The following NFATC1 variants were observed in gnomAD, a reference collection of about 807,000 sequenced individuals.
NFATC1 encodes the protein nuclear factor of activated T-cells, cytoplasmic 1.
In NFATC1, 22 loss-of-function variants were observed where a neutral mutation model predicts 76.0. The ratio of observed to expected loss-of-function variants is 0.29; its 90% CI spans 0.21 to 0.41. NFATC1 has a LOEUF of 0.41. NFATC1 is among the 10% of genes least tolerant of loss of function. The probability of loss-of-function intolerance (pLI) is 1.00; values close to 1 mark genes in which losing one functional copy is unlikely to be tolerated. For synonymous variants in NFATC1, 704 were observed against 613.1 expected, an observed-to-expected ratio of 1.15 and a Z score of -2.19; for missense variants, 1,357 against 1,337.7, an observed-to-expected ratio of 1.01 and a Z score of -0.23.
intron 9 of NFATC1, chr18:79,515,700 T>A (rs2090365013): frequency 6.6e-6 from 1 of 151,988 alleles, no homozygotes; most frequent in African/African-American, 2.4e-5. Flanking sequence ...AGAGGAAGAA[T>A]CGTGTTTCTG....
intron 1 of NFATC1, among the ~76,000 whole-genome samples, chr18:79,401,730 C>T (rs751994003): frequency 1.3e-5 from 2 of 152,170 alleles, no homozygotes; most frequent in Non-Finnish European, 2.9e-5. Flanking sequence ...AGGGTGGCCC[C>T]TCTGGGATCT....
chr18:79,466,842 C>G (rs528316940), intron 7 of NFATC1, among the ~76,000 whole-genome samples: 1 of 152,358 alleles, frequency 6.6e-6, no homozygotes, highest in East Asian at 1.9e-4. Flanking sequence ...CTGGGTTTCG[C>G]TGCAGTCACC....
At position 79,479,745 on chromosome 18, in the gene NFATC1, C is replaced by T. The variant is rs567947776; in HGVS notation, c.2093-6503C>T. Among the ~76,000 whole-genome samples the T allele has an allele frequency of 5.3e-4, 81 of 152,300 alleles. 1 individual carries two copies. In the South Asian group the frequency reaches 0.016, roughly 30 times the overall value. The stretch of plus-strand genomic sequence containing the variant: ...ATTCTGAAACGTCCCCTGTGGGTGC[C>T]GGGTGCCTCGCGCATCCCTGCCGTC... On this transcript the variant is annotated intron_variant, in intron 8 of 9. Coordinates refer to ENST00000427363, the MANE Select transcript of NFATC1 (RefSeq NM_001278669.2).
intron 3 of NFATC1, among the ~76,000 whole-genome samples, chr18:79,435,256 G>T (rs927064762): frequency 2.6e-5 from 4 of 152,180 alleles, no homozygotes; most frequent in Non-Finnish European, 5.9e-5. Context: ...TGAGGGGCGG[G>T]TGTAGGAATC....
intron 8 of NFATC1, chr18:79,468,602 G>C (rs2088637894): frequency 6.6e-6 from 1 of 152,172 alleles, no homozygotes; most frequent in African/African-American, 2.4e-5. Flanking sequence ...TGTTTTGGAA[G>C]GTTTCCATTT....
intron 2 of NFATC1, among the ~76,000 whole-genome samples, chr18:79,429,220 CAAAAAAAA>C (rs397858514): frequency 1.0e-5 from 1 of 96,546 alleles, no homozygotes; most frequent in Non-Finnish European, 2.1e-5. Flanking sequence ...GACTCCGTCT[CAAAAAAAA>C]AAAAAAAAAA....
chr18:79,502,882 A>G (rs2090043406), intron 9 of NFATC1, among the ~76,000 whole-genome samples: 1 of 152,214 alleles, frequency 6.6e-6, no homozygotes, highest in South Asian at 2.1e-4. Flanking sequence ...GGAGTGTAAC[A>G]TGGCATTACA....
Position 79,410,264 on chromosome 18 carries a change from T to C in NFATC1, c.128-139T>C, listed in dbSNP as rs1171842870. The C allele has an allele frequency of 1.5e-5, 20 of 1,377,998 alleles. No homozygotes were observed. Among genetic ancestry groups the C allele is most frequent in the Middle Eastern group, 1.9e-4 (1 of 5,228 alleles). 85.4% of individuals were successfully genotyped at this position (1,377,998 alleles called of 1,614,324 possible). On this transcript the variant is annotated intron_variant, in intron 1 of 9. Coordinates refer to ENST00000427363, the MANE Select transcript of NFATC1 (RefSeq NM_001278669.2). The surrounding 1 kb of genome is among the most constrained non-coding windows in gnomAD (Gnocchi z 6.7). The stretch of plus-strand genomic sequence containing the variant: ...CGCCCGGAGCTGTCCGGCAGCGTGG[T>C]CTCAGGGACGTTTGCTGAGGCCCGC...
At chr18:79,513,969 G>A (rs943744623) in intron 9 of NFATC1, among the ~76,000 whole-genome samples, 5 of 152,238 alleles carry the variant, frequency 3.3e-5, no homozygotes, top group African/African-American at 1.2e-4. Flanking sequence ...GCCGCTCACT[G>A]TGCTTCAGGC....
At chr18:79,486,997 G>C (rs1600895262) in intron 9 of NFATC1, 60 bp downstream of exon 9, 1 of 1,517,514 alleles carries the variant, frequency 6.6e-7, no homozygotes, top group East Asian at 2.3e-5. Flanking sequence ...TGAGCTCATG[G>C]AGGGGCCGTG....
intron 9 of NFATC1, among the ~76,000 whole-genome samples, chr18:79,509,187 C>T (rs1490256299): frequency 1.3e-5 from 2 of 152,242 alleles, no homozygotes; most frequent in African/African-American, 4.8e-5. Context: ...TGGCGTGGCC[C>T]GTGTCCTTTC....
At chr18:79,494,931 G>GC (rs2089833964) in intron 9 of NFATC1, among the ~76,000 whole-genome samples, 2 of 150,266 alleles carry the variant, frequency 1.3e-5, no homozygotes, top group East Asian at 4.0e-4. Context: ...GCGGGCACAC[G>GC]CCCCCCATCA....
chr18:79,436,204 G>A (rs543413693), intron 3 of NFATC1, among the ~76,000 whole-genome samples: 182 of 152,326 alleles, frequency 1.2e-3, no homozygotes, highest in African/African-American at 4.0e-3. Flanking sequence ...CCCCTTTCCC[G>A]CTTTTCAGAA....
At chr18:79,525,484 C>T (rs4080700) in intron 9 of NFATC1, among the ~76,000 whole-genome samples, 17 of 34,604 alleles carry the variant, frequency 4.9e-4, no homozygotes, top group Non-Finnish European at 7.4e-4. Flanking sequence ...CGTTGTTACC[C>T]CTCAGGCCTC....
At chr18:79,405,118 T>G (rs984083899) in intron 1 of NFATC1, among the ~76,000 whole-genome samples, 6 of 152,190 alleles carry the variant, frequency 3.9e-5, no homozygotes, top group African/African-American at 1.4e-4. Context: ...AAACCACCTG[T>G]GTGTCGTGGG....
At chr18:79,448,489 A>G (rs2087313121) in intron 3 of NFATC1, 1 of 449,736 alleles carries the variant, frequency 2.2e-6, no homozygotes, top group Admixed American at 4.0e-5. Flanking sequence ...TTTCCTGCAC[A>G]CGCCCCCTGC....
At chr18:79,401,257 C>T (rs927730345) in intron 1 of NFATC1, among the ~76,000 whole-genome samples, 6 of 151,968 alleles carry the variant, frequency 3.9e-5, no homozygotes, top group South Asian at 2.1e-4. Context: ...TCGTGTCTGC[C>T]CTCCCCGCGC....
At chr18:79,435,096 A>G (rs899311465) in intron 3 of NFATC1, among the ~76,000 whole-genome samples, 2 of 152,216 alleles carry the variant, frequency 1.3e-5, no homozygotes, top group Admixed American at 1.3e-4. Flanking sequence ...GTTATTGCTC[A>G]GTGGGAAGGA....
intron 8 of NFATC1, chr18:79,469,923 T>C: frequency 1.0e-6 from 1 of 985,500 alleles, no homozygotes; most frequent in Non-Finnish European, 1.2e-6. Flanking sequence ...GCCCCCAGGC[T>C]GCCGCAGGGC....
Sources: allele counts gnomAD v4.1 joint callset (sites outside exome capture counted in the v4.1 genomes callset), GRCh38; gene constraint gnomAD v4.1.1; non-coding constraint Gnocchi (gnomAD v3.1); transcripts MANE v1.5; gene names NCBI Gene and HGNC (gene_info 2026-07-23, HGNC 2026-07-21).